Variants in SETD4 observed in about 807,000 individuals in gnomAD.
SETD4 encodes the protein SET domain-containing protein 4.
A neutral mutation model predicts 58.3 loss-of-function variants in SETD4; 46 were observed. The ratio of observed to expected loss-of-function variants is 0.79; its 90% CI spans 0.62 to 1.01. The LOEUF is 1.01. Ranked by LOEUF, SETD4 falls within the 50% of genes least tolerant of loss-of-function variation. The probability of loss-of-function intolerance (pLI) is 0.00; values close to 1 mark genes in which losing one functional copy is unlikely to be tolerated. For missense variants in SETD4, 490 were observed against 523.3 expected (o/e 0.94, Z 0.62); for synonymous variants, 190 against 202.6 (o/e 0.94, Z 0.53).
chr21:36,037,944 C>G (rs1801659291), intron 10 of SETD4, among the ~76,000 whole-genome samples: 1 of 152,154 alleles, frequency 6.6e-6, no homozygotes, highest in South Asian at 2.1e-4. Context: ...TGCAGTGAGC[C>G]AAGATCGTGC....
chr21:36,047,315 T>C lies in SETD4; in HGVS notation c.296+993A>G, dbSNP rs146997801. On this transcript the variant is annotated intron_variant, in intron 5 of 11. Transcript: ENST00000332131. ...CCTTGTATTTAGAAATCCCTTCCAC[T>C]GCGGGTCGCTCTCACTCTGTCCTCA... Among the ~76,000 whole-genome samples the C allele has an allele frequency of 3.1e-3, 479 of 152,274 alleles. 3 individuals carry two copies. The highest frequency in any genetic ancestry group is 0.011 in the African/African-American group (470 of 41,548).
Position 36,040,639 on chromosome 21 carries a change from A to G in SETD4, c.1000T>C (p.Trp334Arg). 1 of 1,613,826 alleles carries G rather than the reference A, an allele frequency of 6.2e-7. No individual in the cohort carries two copies. Among genetic ancestry groups the G allele is most frequent in the Non-Finnish European group, 8.5e-7 (1 of 1,179,762 alleles). ...AGTAGCCTCCAAGATGGTCCATCCC[A>G]TCCAAATGTCAAATTTCTGAAGTAG... ...HGYIENLTFGWDGPSWRLLTA... is the reference protein window; with the variant it reads ...HGYIENLTFGRDGPSWRLLTA... The change falls in exon 9 of 12, where the codon TGG becomes CGG. Residue 334 changes from tryptophan (W) to arginine (R), a missense_variant. Physicochemically the swap from Trp to Arg is moderately radical, Grantham distance 101. Transcript: ENST00000332131.
chr21:36,057,601 C>G (rs180854561), intron 2 of SETD4: 168 of 414,782 alleles, frequency 4.1e-4, no homozygotes, highest in African/African-American at 3.2e-3. Flanking sequence ...AATCAAAATT[C>G]AAGCAGGCTT....
chr21:36,059,964 G>GA, intron 1 of SETD4: 1 of 985,660 alleles, frequency 1.0e-6, no homozygotes. Flanking sequence ...TCACCCTGCT[G>GA]AGGACCACGT....
intron 6 of SETD4, 100 bp downstream of exon 6, chr21:36,045,482 A>C: frequency 6.9e-7 from 1 of 1,454,482 alleles, no homozygotes; most frequent in South Asian, 1.3e-5. Flanking sequence ...AGCCGCCGAC[A>C]CCTCTCCCTG....
intron 10 of SETD4, 39 bp from the exon 11 acceptor site, chr21:36,036,290 CATATAT>C: frequency 6.9e-7 from 1 of 1,458,904 alleles, no homozygotes; most frequent in Non-Finnish European, 9.1e-7. Flanking sequence ...TGTAGTAAAA[CATATAT>C]ATATATTTCA....
intron 6 of SETD4, 72 bp from the exon 7 acceptor site, chr21:36,044,028 T>C: frequency 4.6e-6 from 7 of 1,520,084 alleles, no homozygotes; most frequent in Non-Finnish European, 6.3e-6. Context: ...AGTTATTACA[T>C]AATATTAATG....
chr21:36,046,011 C>T lies in SETD4; in HGVS notation c.297G>A (p.Lys99=), dbSNP rs759995231. The T allele has an allele frequency of 4.4e-6, 7 of 1,604,310 alleles. No individual in the cohort carries two copies. The South Asian group carries it at 6.7e-5, about 15-fold the overall frequency. The change falls in exon 6 of 12, where the codon AAG becomes AAA. Residue 99 remains lysine, a splice_region_variant and synonymous_variant. Transcript: ENST00000332131. ...IRSYLGAYIT[K]WKPPPSPLLA... is the part of the protein sequence containing the mutation. ...GCAGAGGAGATGGAGGAGGCTTCCA[C>T]CTTTGAAAATTAAAAGCCAGTTTAA... is the stretch of plus-strand genomic sequence containing the variant.
chr21:36,058,505 CAA>C (rs61270283), intron 2 of SETD4, among the ~76,000 whole-genome samples: 25 of 95,114 alleles, frequency 2.6e-4, no homozygotes, highest in Non-Finnish European at 2.7e-4. Context: ...ACCTTGTCTC[CAA>C]AAAAAAAAAA....
intron 3 of SETD4, among the ~76,000 whole-genome samples, chr21:36,055,804 A>T (rs1192311589): frequency 5.3e-5 from 8 of 152,104 alleles, no homozygotes; most frequent in Admixed American, 5.2e-4. Context: ...CAAATTACAA[A>T]CAGATGACCT....
At position 36,035,066 on chromosome 21, in the gene SETD4, C is replaced by T. The variant is rs771304808; in HGVS notation, c.*927G>A. On this transcript the variant is annotated 3_prime_UTR_variant, in exon 12 of 12. Coordinates refer to ENST00000332131, the MANE Select transcript of SETD4 (RefSeq NM_017438.5). The stretch of plus-strand genomic sequence containing the variant: ...AATTTGAGTTCTTGGGAAGAATGAA[C>T]CCTGGGAGGGTAAACAGGACTCTGG... 10 of 152,152 alleles carry T rather than the reference C, an allele frequency of 6.6e-5. No individual in the cohort carries two copies. The highest frequency in any genetic ancestry group is 1.2e-4 in the Non-Finnish European group (8 of 68,024). 9.4% of individuals were successfully genotyped at this position (152,152 alleles called of 1,614,324 possible).
Position 36,057,209 on chromosome 21 carries a change from C to T in SETD4, c.74-5G>A, listed in dbSNP as rs757051927. On this transcript the variant is annotated splice_region_variant and splice_polypyrimidine_tract_variant and intron_variant, in intron 2 of 11. Coordinates refer to ENST00000332131, the MANE Select transcript of SETD4 (RefSeq NM_017438.5). ...CAGACTTGTGGCTCTCATTCACTAT[C>T]AGGCAAGGAGAGAACAAATGGTGAT... 13 of 1,607,718 alleles carry T rather than the reference C, an allele frequency of 8.1e-6. No individual in the cohort carries two copies. Among genetic ancestry groups the T allele is most frequent in the Admixed American group, 1.7e-5 (1 of 59,998 alleles).
At chr21:36,059,666 C>T (rs34760465) in intron 1 of SETD4, 10 of 873,856 alleles carry the variant, frequency 1.1e-5, no homozygotes, top group African/African-American at 1.8e-5. Flanking sequence ...CCAACCTGGG[C>T]GACAGAGCGA....
chr21:36,040,159 C>A (rs1367882105), intron 9 of SETD4, among the ~76,000 whole-genome samples: 2 of 152,190 alleles, frequency 1.3e-5, no homozygotes, highest in Non-Finnish European at 2.9e-5. Flanking sequence ...ATGGAAAAGT[C>A]CAGCTCTTCA....
chr21:36,046,972 T>A (rs2064360015), intron 5 of SETD4, among the ~76,000 whole-genome samples: 1 of 152,194 alleles, frequency 6.6e-6, no homozygotes, highest in African/African-American at 2.4e-5. Flanking sequence ...AGAGACAGTA[T>A]ACGCCAGGCA....
chr21:36,049,281 G>A (rs182130302), intron 4 of SETD4, among the ~76,000 whole-genome samples: 11 of 152,320 alleles, frequency 7.2e-5, no homozygotes, highest in South Asian at 2.1e-4. Flanking sequence ...AAGGCCAGGC[G>A]CGGTGGCTCA....
At position 36,045,623 on chromosome 21, in the gene SETD4, C is replaced by A. The variant is rs746227681; in HGVS notation, c.685G>T (p.Ala229Ser). ...LSAEPDTCAL[A>S]PYLDLLNHSP... is the part of the protein sequence containing the mutation. ...TGATTCAGCAGGTCCAGGTACGGAG[C>A]GAGTGCACAGGTGTCCGGCTCTGCA... is the stretch of plus-strand genomic sequence containing the variant. Residue 229 changes from alanine (A) to serine (S), a missense_variant, in exon 6 of 12, where the codon GCT becomes TCT. Coordinates refer to ENST00000332131, the MANE Select transcript of SETD4 (RefSeq NM_017438.5). 1.9e-6 allele frequency: 3 copies of A among 1,614,078 alleles called. No homozygotes were observed. The highest frequency in any genetic ancestry group is 1.6e-4 in the Middle Eastern group (1 of 6,062).
intron 4 of SETD4, among the ~76,000 whole-genome samples, chr21:36,049,549 C>T (rs1314079563): frequency 2.6e-5 from 4 of 151,924 alleles, no homozygotes; most frequent in African/African-American, 7.3e-5. Context: ...AACGTGACTC[C>T]GTCTCAAAAA....
At chr21:36,059,941 G>C in intron 1 of SETD4, 3 of 985,362 alleles carry the variant, frequency 3.0e-6, no homozygotes, top group Non-Finnish European at 3.6e-6. Context: ...GCCCTCGCGC[G>C]AGCTGTCCAC....
Sources: allele counts gnomAD v4.1 joint callset (sites outside exome capture counted in the v4.1 genomes callset), GRCh38; gene constraint gnomAD v4.1.1; transcripts MANE v1.5; gene names NCBI Gene and HGNC (gene_info 2026-07-23, HGNC 2026-07-21).